Variants in FAM169A observed in about 807,000 individuals in gnomAD.
FAM169A encodes the protein family with sequence similarity 169 member A.
In FAM169A, 24 loss-of-function variants were observed where a neutral mutation model predicts 75.7. That is an observed-to-expected ratio of 0.32 (90% CI 0.23 to 0.45). The LOEUF (loss-of-function observed/expected upper bound fraction) is 0.45, where lower values mean the gene tolerates loss of function less well. FAM169A is among the 20% of genes least tolerant of loss of function. The probability of loss-of-function intolerance (pLI) is 1.00; values close to 1 mark genes in which losing one functional copy is unlikely to be tolerated. For synonymous variants in FAM169A, 271 were observed against 271.0 expected (o/e 1.00, Z 0.00); for missense variants, 673 against 784.0 (o/e 0.86, Z 1.69).
At position 74,791,328 on chromosome 5, in the gene FAM169A, G is replaced by A. The variant is rs181504389; in HGVS notation, c.1260+4702C>T. Among the ~76,000 whole-genome samples the A allele has an allele frequency of 7.2e-4, 110 of 152,280 alleles. 1 individual carries two copies. The highest frequency in any genetic ancestry group is 2.9e-4 in the Non-Finnish European group (20 of 68,020). ...GTCCAGGAATCCAGGGGTAAAAGTGGAAATGGCATCACTCACCATCACCCC... is the reference window on the plus strand; with the variant it reads ...GTCCAGGAATCCAGGGGTAAAAGTGAAAATGGCATCACTCACCATCACCCC... On this transcript the variant is annotated intron_variant, in intron 11 of 12. Transcript: ENST00000687041.
intron 5 of FAM169A, among the ~76,000 whole-genome samples, chr5:74,831,272 C>A (rs1260237455): frequency 6.6e-6 from 1 of 152,154 alleles, no homozygotes; most frequent in African/African-American, 2.4e-5. Flanking sequence ...CCCAAAATCT[C>A]TTTGATACTA....
In FAM169A at chr5:74,780,227, C is replaced by T. The variant is rs749000819; in HGVS notation, c.*1233G>A. The T allele has an allele frequency of 3.9e-5, 6 of 152,122 alleles. No individual in the cohort carries two copies. Among genetic ancestry groups the T allele is most frequent in the Non-Finnish European group, 5.9e-5 (4 of 68,050 alleles). The allele number at this position is 152,122 out of a possible 1,614,324, so 9.4% of individuals were successfully genotyped here. A position where few individuals can be genotyped will look rare whatever the true frequency, so the allele number is the denominator to read the frequency against. ...AGTACAAATCAAAGGATGATTGAAG[C>T]CTCCAATATGATTGAAGCCCTTGTA... On this transcript the variant is annotated 3_prime_UTR_variant, in exon 13 of 13. Transcript: ENST00000687041.
At chr5:74,860,003 G>A (rs1749952849) in intron 1 of FAM169A, among the ~76,000 whole-genome samples, 1 of 152,124 alleles carries the variant, frequency 6.6e-6, no homozygotes, top group Non-Finnish European at 1.5e-5. Context: ...GATATTAGTA[G>A]CTCACCATTA....
chr5:74,864,804 T>C (rs919188423), intron 1 of FAM169A, among the ~76,000 whole-genome samples: 9 of 152,232 alleles, frequency 5.9e-5, no homozygotes, highest in Admixed American at 1.3e-4. Flanking sequence ...CTTCAAGTGT[T>C]AGGATAAACG....
rs1282458989 is a variant in FAM169A, at chr5:74,778,544, TAG to T, written c.*2914_*2915del. ...ACACTGAATGGAAATACCATGAATA[TAG>T]ACACATTTTAAGTAGAAGACTGACG... On this transcript the variant is annotated 3_prime_UTR_variant, in exon 13 of 13. Coordinates refer to ENST00000687041, the MANE Select transcript of FAM169A (RefSeq NM_001376049.1). The T allele has an allele frequency of 6.6e-6, 1 of 151,976 alleles. No homozygotes were observed. Among genetic ancestry groups the T allele is most frequent in the Admixed American group, 6.6e-5 (1 of 15,256 alleles). The allele number at this position is 151,976 out of a possible 1,614,324, so 9.4% of individuals were successfully genotyped here.
chr5:74,835,772 A>G (rs1420332987), intron 4 of FAM169A, among the ~76,000 whole-genome samples: 1 of 152,206 alleles, frequency 6.6e-6, no homozygotes, highest in Non-Finnish European at 1.5e-5. Context: ...AAACATAGGA[A>G]ATAGCAGCCG....
rs772534290 is a variant in FAM169A at position 74,805,142 on chromosome 5, G to T, written c.799+14C>A. 58 of 1,611,690 alleles carry T rather than the reference G, an allele frequency of 3.6e-5. No homozygotes were observed. Among genetic ancestry groups the T allele is most frequent in the Middle Eastern group, 1.6e-4 (1 of 6,076 alleles). On this transcript the variant is annotated intron_variant, in intron 7 of 12. Coordinates refer to ENST00000687041, the MANE Select transcript of FAM169A (RefSeq NM_001376049.1). ...AATAAACTGAACTTATGTTCAAACT[G>T]AAAACACTCTTACCTAGAATTTTAA...
chr5:74,790,182 C>T (rs982207585), intron 11 of FAM169A, among the ~76,000 whole-genome samples: 6 of 152,158 alleles, frequency 3.9e-5, no homozygotes, highest in African/African-American at 1.2e-4. Context: ...ATGGGGAGTT[C>T]CCTATAATCA....
chr5:74,859,689 G>A (rs1478882958), intron 1 of FAM169A, among the ~76,000 whole-genome samples: 3 of 152,072 alleles, frequency 2.0e-5, no homozygotes, highest in East Asian at 1.9e-4. Flanking sequence ...GATACATCAC[G>A]ATTTTTTTTA....
chr5:74,866,500 C>G (rs1036999715), upstream of FAM169A: 22 of 650,882 alleles, frequency 3.4e-5, no homozygotes, highest in South Asian at 6.8e-4. Context: ...GCCGCCCTGC[C>G]TCCCTCCAGC....
At chr5:74,811,014 G>C (rs1264549701) in intron 6 of FAM169A, among the ~76,000 whole-genome samples, 1 of 131,040 alleles carries the variant, frequency 7.6e-6, no homozygotes, top group African/African-American at 3.0e-5. Context: ...ACAGAGTCTC[G>C]CTCTGTCACC....
At chr5:74,823,121 C>T (rs910489006) in intron 5 of FAM169A, among the ~76,000 whole-genome samples, 49 of 152,300 alleles carry the variant, frequency 3.2e-4, no homozygotes, top group African/African-American at 1.2e-3. Flanking sequence ...AATCATGTTA[C>T]TTCTACATAA....
In FAM169A at chr5:74,866,209, GCGGAGCCGCGCGAATGAATGGAGC is replaced by G. The variant is rs1750334884; in HGVS notation, c.-72_-49del. 1.0e-6 allele frequency: 1 copy of G among 984,242 alleles called. No individual in the cohort carries two copies. Among genetic ancestry groups the G allele is most frequent in the African/African-American group, 1.8e-5 (1 of 57,114 alleles). The allele number at this position is 984,242 out of a possible 1,614,324, so 61.0% of individuals were successfully genotyped here. On this transcript the variant is annotated 5_prime_UTR_variant, in exon 1 of 13. Coordinates refer to ENST00000687041, the MANE Select transcript of FAM169A (RefSeq NM_001376049.1). ...CCGCTGGAAGAGCCCGGGAAAGGAG[GCGGAGCCGCGCGAATGAATGGAGC>G]CGGCGGCTGCTCGCTGGCGACCTCC...
At chr5:74,824,569 G>A (rs912151318) in intron 5 of FAM169A, among the ~76,000 whole-genome samples, 1 of 151,538 alleles carries the variant, frequency 6.6e-6, no homozygotes, top group Non-Finnish European at 1.5e-5. Flanking sequence ...TTACACTTTG[G>A]ACATGGCCTC....
rs774860533 is a variant in FAM169A at position 74,801,631 on chromosome 5, TA to T, written c.913-3del. 4 of 1,606,724 alleles carry T rather than the reference TA, an allele frequency of 2.5e-6. No individual in the cohort carries two copies. The highest frequency in any genetic ancestry group is 1.3e-5 in the African/African-American group (1 of 74,354). On this transcript the variant is annotated splice_region_variant and splice_polypyrimidine_tract_variant and intron_variant, in intron 8 of 12. Transcript: ENST00000687041. ...AAAGGCATCTTTTAGAGAATCAATC[TA>T]AAAAAGAGAGAGATTCAAACCCAAA... is the stretch of plus-strand genomic sequence containing the variant.
chr5:74,841,342 A>G (rs1247934501), intron 2 of FAM169A, among the ~76,000 whole-genome samples: 1 of 152,224 alleles, frequency 6.6e-6, no homozygotes, highest in Admixed American at 6.5e-5. Flanking sequence ...TTTTAAAGCC[A>G]TAAAGTCAAA....
At chr5:74,799,589 G>A in intron 10 of FAM169A, 1 of 1,478,938 alleles carries the variant, frequency 6.8e-7, no homozygotes, top group South Asian at 1.1e-5. Context: ...TCAGAGTCTG[G>A]TGGCGGTGGC....
chr5:74,855,377 T>G (rs1273811584), intron 1 of FAM169A, among the ~76,000 whole-genome samples: 1 of 152,170 alleles, frequency 6.6e-6, no homozygotes, highest in Non-Finnish European at 1.5e-5. Context: ...TTGGTATTTT[T>G]TGTAGAGATG....
chr5:74,851,327 T>C (rs1749434947), intron 1 of FAM169A, among the ~76,000 whole-genome samples: 1 of 152,152 alleles, frequency 6.6e-6, no homozygotes, highest in African/African-American at 2.4e-5. Context: ...TCCATCCTAA[T>C]TCCAAGGGAG....
Sources: allele counts gnomAD v4.1 joint callset (sites outside exome capture counted in the v4.1 genomes callset), GRCh38; gene constraint gnomAD v4.1.1; transcripts MANE v1.5; gene names NCBI Gene and HGNC (gene_info 2026-07-23, HGNC 2026-07-21).